The following CTNNA2 variants were observed in gnomAD, a reference collection of about 807,000 sequenced individuals.
CTNNA2 encodes the protein catenin alpha 2.
CTNNA2 carries 42 observed loss-of-function variants against 101.0 expected under a neutral mutation model. The ratio of observed to expected loss-of-function variants is 0.42; its 90% CI spans 0.32 to 0.54. The LOEUF is 0.54. CTNNA2 is among the 20% of genes least tolerant of loss of function. The probability of loss-of-function intolerance (pLI) is 0.14; values close to 1 mark genes in which losing one functional copy is unlikely to be tolerated. For synonymous variants in CTNNA2, 450 were observed against 456.4 expected (o/e 0.99, Z 0.18); for missense variants, 871 against 1,223.1 (o/e 0.71, Z 4.29).
Position 79,593,141 on chromosome 2 carries a change from T to A in CTNNA2, c.-5-58411T>A, listed in dbSNP as rs13388133. On this transcript the variant is annotated intron_variant, in intron 1 of 18. Transcript: ENST00000402739. The stretch of plus-strand genomic sequence containing the variant: ...CTAGAACATTCTAATTCCAGCTCCA[T>A]CTCTGTGAGAACTCTCTCAAATTCA... 2.0e-3 allele frequency among the ~76,000 whole-genome samples: 301 copies of A among 152,330 alleles called. 4 individuals are homozygous for A. Among genetic ancestry groups the A allele is most frequent in the African/African-American group, 6.7e-3 (279 of 41,578 alleles).
intron 7 of CTNNA2, among the ~76,000 whole-genome samples, chr2:80,138,925 G>C (rs150082623): frequency 6.6e-6 from 1 of 151,818 alleles, no homozygotes; most frequent in Non-Finnish European, 1.5e-5. Context: ...TTTTGCTGTC[G>C]TAGTGGCCAA....
At chr2:80,341,608 C>A (rs967814535) in intron 7 of CTNNA2, among the ~76,000 whole-genome samples, 1 of 152,052 alleles carries the variant, frequency 6.6e-6, no homozygotes, top group African/African-American at 2.4e-5. Context: ...AGAAGATGGA[C>A]AATAATAAGT....
chr2:80,585,058 C>T (rs990788624), intron 14 of CTNNA2, among the ~76,000 whole-genome samples: 1 of 150,352 alleles, frequency 6.7e-6, no homozygotes, highest in Non-Finnish European at 1.5e-5. Flanking sequence ...GTTTTAGTCC[C>T]TTTAATTGTT....
At chr2:79,494,245 A>G (rs1045333715) in intron 4 of CTNNA2, among the ~76,000 whole-genome samples, 1 of 151,104 alleles carries the variant, frequency 6.6e-6, no homozygotes, top group Admixed American at 6.6e-5. Context: ...TGCAGATTCA[A>G]ATCAAATCCT....
chr2:80,554,519 A>G (rs1350664838), intron 11 of CTNNA2, among the ~76,000 whole-genome samples: 1 of 152,074 alleles, frequency 6.6e-6, no homozygotes, highest in Non-Finnish European at 1.5e-5. Context: ...AAGACAAAGG[A>G]CTCTGCTTTC....
intron 2 of CTNNA2, among the ~76,000 whole-genome samples, chr2:79,217,843 C>G (rs1025418097): frequency 6.6e-6 from 1 of 152,202 alleles, no homozygotes; most frequent in African/African-American, 2.4e-5. Flanking sequence ...CCTATTTTCT[C>G]TCTCCCAGGT....
At chr2:80,526,971 T>C (rs776217975) in intron 9 of CTNNA2, among the ~76,000 whole-genome samples, 1 of 152,230 alleles carries the variant, frequency 6.6e-6, no homozygotes, top group Non-Finnish European at 1.5e-5. Flanking sequence ...TAGTAGAATA[T>C]GGTCATTGTA....
intron 7 of CTNNA2, among the ~76,000 whole-genome samples, chr2:80,090,164 G>A (rs879540067): frequency 1.0e-5 from 1 of 99,118 alleles, no homozygotes; most frequent in Non-Finnish European, 2.0e-5. Context: ...GTGTGTGTGT[G>A]TGTGTGTGTG....
intron 7 of CTNNA2, among the ~76,000 whole-genome samples, chr2:79,944,785 G>C (rs1361824614): frequency 6.6e-6 from 1 of 152,124 alleles, no homozygotes; most frequent in Non-Finnish European, 1.5e-5. Flanking sequence ...AATAAGTAGA[G>C]AAGGAGAAAA....
intron 4 of CTNNA2, among the ~76,000 whole-genome samples, chr2:79,416,828 C>G (rs139466752): frequency 2.6e-5 from 4 of 152,058 alleles, no homozygotes; most frequent in African/African-American, 9.7e-5. Context: ...CTTTATCCCA[C>G]AGAAGTCACT....
At chr2:79,919,901 A>G (rs1052445715) in intron 7 of CTNNA2, among the ~76,000 whole-genome samples, 6 of 152,148 alleles carry the variant, frequency 3.9e-5, no homozygotes, top group African/African-American at 1.4e-4. Context: ...TGATGTCTCT[A>G]ACACCTCTCC....
intron 3 of CTNNA2, among the ~76,000 whole-genome samples, chr2:79,791,589 A>G (rs553149724): frequency 4.1e-4 from 62 of 152,118 alleles, no homozygotes; most frequent in African/African-American, 1.5e-3. Flanking sequence ...ATGAAAACAT[A>G]TACTCCTTGA....
chr2:80,342,673 A>C (rs1316832126), intron 7 of CTNNA2, among the ~76,000 whole-genome samples: 2 of 152,186 alleles, frequency 1.3e-5, no homozygotes, highest in Non-Finnish European at 2.9e-5. Flanking sequence ...ATTTCAAATT[A>C]TGAAAAAAAA....
At chr2:79,279,735 A>G (rs1381548668) in intron 2 of CTNNA2, among the ~76,000 whole-genome samples, 2 of 152,116 alleles carry the variant, frequency 1.3e-5, no homozygotes, top group Non-Finnish European at 2.9e-5. Flanking sequence ...GGGAGCTTGA[A>G]GCCACAGCTC....
intron 4 of CTNNA2, among the ~76,000 whole-genome samples, chr2:79,483,307 A>G (rs1024309862): frequency 2.0e-4 from 31 of 152,248 alleles, no homozygotes; most frequent in Admixed American, 1.4e-3. Context: ...TTATTACCGC[A>G]TAACAAATTA....
rs568876510 is a variant in CTNNA2 at position 80,438,223 on chromosome 2, T to C, written c.1290+18622T>C. On this transcript the variant is annotated intron_variant, in intron 9 of 18. Coordinates refer to ENST00000402739, the MANE Select transcript of CTNNA2 (RefSeq NM_001282597.3). ...CACATCCCTAGAGTCTCCTCCTGCGTCCAGTTTTTCTTTTATAAGGACACA... is the reference window on the plus strand; with the variant it reads ...CACATCCCTAGAGTCTCCTCCTGCGCCCAGTTTTTCTTTTATAAGGACACA... 2.6e-5 allele frequency among the ~76,000 whole-genome samples: 4 copies of C among 152,226 alleles called. No homozygotes were observed. In the East Asian group the frequency reaches 7.8e-4, roughly 30 times the overall value.
intron 9 of CTNNA2, among the ~76,000 whole-genome samples, chr2:80,466,251 C>T (rs887933436): frequency 2.0e-5 from 3 of 152,154 alleles, no homozygotes; most frequent in African/African-American, 4.8e-5. Context: ...TTACAGAGAG[C>T]TTTCTACCCA....
At chr2:79,466,301 C>G (rs1040065767) in intron 4 of CTNNA2, among the ~76,000 whole-genome samples, 1 of 152,206 alleles carries the variant, frequency 6.6e-6, no homozygotes, top group Non-Finnish European at 1.5e-5. Flanking sequence ...AGTCTGAGAT[C>G]GAACTGCAAG....
At chr2:79,284,682 T>C (rs1293910440) in intron 2 of CTNNA2, among the ~76,000 whole-genome samples, 7 of 150,594 alleles carry the variant, frequency 4.6e-5, no homozygotes, top group Non-Finnish European at 1.0e-4. Flanking sequence ...TTGAGGATTT[T>C]TGCATCAATG....
Sources: allele counts gnomAD v4.1 joint callset (sites outside exome capture counted in the v4.1 genomes callset), GRCh38; gene constraint gnomAD v4.1.1; transcripts MANE v1.5; gene names NCBI Gene and HGNC (gene_info 2026-07-23, HGNC 2026-07-21).